RAP1B: variants seen among roughly 807,000 people sequenced by gnomAD.
RAP1B encodes the protein ras-related protein Rap-1b.
A neutral mutation model predicts 27.5 loss-of-function variants in RAP1B; 1 was observed. That is an observed-to-expected ratio of 0.04 (90% confidence interval 0.01 to 0.17). The LOEUF is 0.17. Ranked by LOEUF, RAP1B falls within the 10% of genes least tolerant of loss-of-function variation. RAP1B has a pLI of 1.00. For synonymous variants in RAP1B, 75 were observed against 73.1 expected (o/e 1.03, Z -0.13); for missense variants, 84 against 214.8 (o/e 0.39, Z 3.81).
rs1019794507 is a variant in RAP1B, at chr12:68,670,004, T to G, written c.*10755T>G. 1.4e-4 allele frequency: 20 copies of G among 147,832 alleles called. No homozygotes were observed. Among genetic ancestry groups the G allele is most frequent in the Non-Finnish European group, 2.5e-4 (17 of 67,490 alleles). The allele number at this position is 147,832 out of a possible 1,614,324, so 9.2% of individuals were successfully genotyped here. A position where few individuals can be genotyped will look rare whatever the true frequency, so the allele number is the denominator to read the frequency against. The stretch of plus-strand genomic sequence containing the variant: ...CAGACTGGAGTATAATGGCACGATC[T>G]TGGTTCACCACAACCTCCGCCTCCC... On this transcript the variant is annotated 3_prime_UTR_variant, in exon 8 of 8. Coordinates refer to ENST00000250559, the MANE Select transcript of RAP1B (RefSeq NM_001010942.3).
At position 68,659,846 on chromosome 12, in the gene RAP1B, T is replaced by G. The variant is rs1165087832; in HGVS notation, c.*597T>G. On this transcript the variant is annotated 3_prime_UTR_variant, in exon 8 of 8. Transcript: ENST00000250559. ...TGATCTTGTCTTTAAAACATGATAG[T>G]CCTTTCAGTATAATGTCTTAGATTA... is the stretch of plus-strand genomic sequence containing the variant. The G allele has an allele frequency of 6.6e-6, 1 of 152,450 alleles. No homozygotes were observed. 9.4% of individuals were successfully genotyped at this position (152,450 alleles called of 1,614,324 possible).
intron 1 of RAP1B, among the ~76,000 whole-genome samples, chr12:68,644,428 C>G (rs1161138464): frequency 1.3e-5 from 2 of 151,816 alleles, no homozygotes; most frequent in African/African-American, 4.8e-5. Context: ...TAAAAAAATA[C>G]AAAAAATTAG....
chr12:68,616,726 GC>G (rs2135911069), intron 1 of RAP1B, among the ~76,000 whole-genome samples: 1 of 152,084 alleles, frequency 6.6e-6, no homozygotes, highest in South Asian at 2.1e-4. Context: ...GAGCCACCGC[GC>G]CCGGCCAGGT....
intron 1 of RAP1B, among the ~76,000 whole-genome samples, chr12:68,644,204 T>G (rs1212223826): frequency 1.7e-4 from 26 of 152,240 alleles, no homozygotes; most frequent in Admixed American, 1.7e-3. Flanking sequence ...TGAACATTTT[T>G]AAATGATTCA....
At chr12:68,659,200 G>A (rs998109194) in intron 7 of RAP1B, 80 bp from the exon 8 acceptor site, 1 of 453,152 alleles carries the variant, frequency 2.2e-6, no homozygotes, top group Non-Finnish European at 4.4e-6. Flanking sequence ...ACACTTTTAA[G>A]ACTGTTTTCT....
At chr12:68,636,399 T>A (rs1872633143) in intron 1 of RAP1B, among the ~76,000 whole-genome samples, 1 of 152,210 alleles carries the variant, frequency 6.6e-6, no homozygotes, top group Non-Finnish European at 1.5e-5. Flanking sequence ...TGGACTGTGA[T>A]TCCTAGAAGG....
intron 4 of RAP1B, among the ~76,000 whole-genome samples, chr12:68,652,507 T>C (rs1168478974): frequency 1.3e-5 from 2 of 152,176 alleles, no homozygotes; most frequent in African/African-American, 4.8e-5. Flanking sequence ...TTTGTTGTTG[T>C]TCCGTTGAAT....
chr12:68,668,119 T>G lies in RAP1B; in HGVS notation c.*8870T>G, dbSNP rs959293615. The G allele has an allele frequency of 1.3e-5, 2 of 152,226 alleles. No homozygotes were observed. The highest frequency in any genetic ancestry group is 6.5e-5 in the Admixed American group (1 of 15,284). The allele number at this position is 152,226 out of a possible 1,614,324, so 9.4% of individuals were successfully genotyped here. A position where few individuals can be genotyped will look rare whatever the true frequency, so the allele number is the denominator to read the frequency against. On this transcript the variant is annotated 3_prime_UTR_variant, in exon 8 of 8. Transcript: ENST00000250559. The stretch of plus-strand genomic sequence containing the variant: ...TCTCTCCTTGGCAGGATGTAGTTAA[T>G]GACATATGCAGAATTAATGACTTGG...
In RAP1B at chr12:68,659,826, T is replaced by C. The variant is rs1340534922; in HGVS notation, c.*577T>C. ...TAAAAAACCTGTGGAGACGGTGATC[T>C]TGTCTTTAAAACATGATAGTCCTTT... On this transcript the variant is annotated 3_prime_UTR_variant, in exon 8 of 8. Transcript: ENST00000250559. 2 of 152,578 alleles carry C rather than the reference T, an allele frequency of 1.3e-5. No individual in the cohort carries two copies. Among genetic ancestry groups the C allele is most frequent in the African/African-American group, 4.8e-5 (2 of 41,432 alleles). 9.5% of individuals were successfully genotyped at this position (152,578 alleles called of 1,614,324 possible). A position where few individuals can be genotyped will look rare whatever the true frequency, so the allele number is the denominator to read the frequency against.
chr12:68,615,565 G>A (rs1277451397), intron 1 of RAP1B, among the ~76,000 whole-genome samples: 1 of 151,628 alleles, frequency 6.6e-6, no homozygotes. Context: ...CTCCAACCTG[G>A]GCGACAGAGT....
At chr12:68,639,094 G>T (rs751978388) in intron 1 of RAP1B, among the ~76,000 whole-genome samples, 5 of 152,046 alleles carry the variant, frequency 3.3e-5, no homozygotes, top group Non-Finnish European at 5.9e-5. Flanking sequence ...GCTGGACCAG[G>T]GTTCAGAGCT....
chr12:68,612,343 T>C (rs1870665706), intron 1 of RAP1B, among the ~76,000 whole-genome samples: 1 of 152,224 alleles, frequency 6.6e-6, no homozygotes, highest in Non-Finnish European at 1.5e-5. Context: ...GAGACATTCA[T>C]TTAACTTCAA....
intron 5 of RAP1B, 88 bp downstream of exon 5, chr12:68,654,340 T>G: frequency 1.5e-5 from 4 of 260,296 alleles, no homozygotes; most frequent in Non-Finnish European, 6.4e-6. Flanking sequence ...TTAAAGCTTG[T>G]GTATTTTGGT....
chr12:68,632,144 T>TTTTTTTTTCCCAGAC (rs2037684340), intron 1 of RAP1B, among the ~76,000 whole-genome samples: 1 of 115,940 alleles, frequency 8.6e-6, no homozygotes, highest in East Asian at 3.1e-4. Flanking sequence ...TTTTTTTTTT[T>TTTTTTTTTCCCAGAC]TGTTTGTTTT....
At chr12:68,645,593 C>A (rs559152016) in intron 1 of RAP1B, among the ~76,000 whole-genome samples, 1 of 152,370 alleles carries the variant, frequency 6.6e-6, no homozygotes, top group South Asian at 2.1e-4. Flanking sequence ...GGTGCTACAG[C>A]TCTTTCCCAG....
intron 1 of RAP1B, among the ~76,000 whole-genome samples, chr12:68,622,246 C>T (rs1871436226): frequency 6.6e-6 from 1 of 152,174 alleles, no homozygotes; most frequent in African/African-American, 2.4e-5. Context: ...CTTGTTTAAG[C>T]CACAGTCATC....
chr12:68,626,999 GC>G, intron 1 of RAP1B: 1 of 1,557,510 alleles, frequency 6.4e-7, no homozygotes. Flanking sequence ...ACTTGGTGAA[GC>G]CCCACTTCTT....
At chr12:68,612,595 T>C (rs1433181611) in intron 1 of RAP1B, among the ~76,000 whole-genome samples, 1 of 152,216 alleles carries the variant, frequency 6.6e-6, no homozygotes, top group Non-Finnish European at 1.5e-5. Flanking sequence ...TTATAGTGAA[T>C]TATCATCTTA....
At chr12:68,623,964 T>C (rs936116742) in intron 1 of RAP1B, among the ~76,000 whole-genome samples, 1 of 148,180 alleles carries the variant, frequency 6.7e-6, no homozygotes, top group African/African-American at 2.5e-5. Flanking sequence ...GAGGTTGCAG[T>C]GAGCCGAGAT....
Sources: allele counts gnomAD v4.1 joint callset (sites outside exome capture counted in the v4.1 genomes callset), GRCh38; gene constraint gnomAD v4.1.1; transcripts MANE v1.5; gene names NCBI Gene and HGNC (gene_info 2026-07-23, HGNC 2026-07-21).